Variants in PLXDC1 observed in about 807,000 individuals in gnomAD.
The protein encoded by PLXDC1 is plexin domain-containing protein 1.
In PLXDC1, 39 loss-of-function variants were observed where a neutral mutation model predicts 61.3. That is an observed-to-expected ratio of 0.64 (90% CI 0.49 to 0.83). The LOEUF is 0.83. Ranked by LOEUF, PLXDC1 falls within the 40% of genes least tolerant of loss-of-function variation. The pLI is 0.00. For missense variants in PLXDC1, 596 were observed against 666.5 expected, an observed-to-expected ratio of 0.89 and a Z score of 1.17; for synonymous variants, 212 against 254.5, an observed-to-expected ratio of 0.83 and a Z score of 1.59.
intron 11 of PLXDC1, 46 bp from the exon 12 acceptor site, chr17:39,072,531 C>T (rs1245291125): frequency 1.0e-5 from 12 of 1,186,986 alleles, no homozygotes; most frequent in African/African-American, 3.0e-5. Context: ...GGAATCATTA[C>T]AGCCTTTGTC....
rs1909403309 is a variant in PLXDC1 at position 39,077,912 on chromosome 17, C to T, written c.1186+1G>A. On this transcript the variant is annotated splice_donor_variant, in intron 11 of 13. Coordinates refer to ENST00000315392, the MANE Select transcript of PLXDC1 (RefSeq NM_020405.5). LOFTEE classifies it high-confidence loss of function. ...GCTCCCCTCCTGGGCTCAGAACTTA[C>T]CTTCTGTGGTGAGGCTGTCGATGAA... 1.2e-6 allele frequency: 2 copies of T among 1,614,006 alleles called. No homozygotes were observed. Among genetic ancestry groups the T allele is most frequent in the Admixed American group, 1.7e-5 (1 of 59,996 alleles).
At chr17:39,128,367 G>A (rs1239687932) in intron 2 of PLXDC1, among the ~76,000 whole-genome samples, 1 of 151,162 alleles carries the variant, frequency 6.6e-6, no homozygotes, top group African/African-American at 2.4e-5. Context: ...ACAGGCACAA[G>A]CCACCATGCC....
At chr17:39,120,499 G>A (rs1490631751) in intron 2 of PLXDC1, among the ~76,000 whole-genome samples, 1 of 152,060 alleles carries the variant, frequency 6.6e-6, no homozygotes, top group Non-Finnish European at 1.5e-5. Flanking sequence ...CAGATCATAC[G>A]ATACATGGCA....
At chr17:39,140,507 G>A (rs1201255483) in intron 1 of PLXDC1, among the ~76,000 whole-genome samples, 1 of 152,154 alleles carries the variant, frequency 6.6e-6, no homozygotes, top group African/African-American at 2.4e-5. Context: ...AGGTTTCACC[G>A]TGTTAGCCAG....
intron 7 of PLXDC1, among the ~76,000 whole-genome samples, chr17:39,091,420 C>A (rs1452727335): frequency 6.6e-6 from 1 of 152,182 alleles, no homozygotes; most frequent in Admixed American, 6.5e-5. Context: ...CTCCTTCCTT[C>A]GCCCGACTCC....
At chr17:39,152,664 C>A, upstream of PLXDC1, 1 of 1,235,650 alleles carries the variant, frequency 8.1e-7, no homozygotes, top group Non-Finnish European at 1.0e-6. Context: ...AGGAAGGGTG[C>A]GAACGCTGAG....
intron 7 of PLXDC1, among the ~76,000 whole-genome samples, chr17:39,097,610 C>T (rs1255024946): frequency 2.6e-5 from 4 of 152,006 alleles, no homozygotes; most frequent in African/African-American, 4.8e-5. Flanking sequence ...AGGCCTTACA[C>T]GGTGGCTCAC....
intron 13 of PLXDC1, among the ~76,000 whole-genome samples, chr17:39,069,371 A>G (rs1909022880): frequency 6.6e-6 from 1 of 152,142 alleles, no homozygotes; most frequent in South Asian, 2.1e-4. Context: ...TCAAAGTGCT[A>G]GGATCTTAGG....
At chr17:39,073,645 T>C (rs1909210939) in intron 11 of PLXDC1, among the ~76,000 whole-genome samples, 1 of 152,204 alleles carries the variant, frequency 6.6e-6, no homozygotes, top group South Asian at 2.1e-4. Flanking sequence ...TGGGGCTCCA[T>C]GTAATGCACA....
intron 7 of PLXDC1, among the ~76,000 whole-genome samples, chr17:39,095,088 G>A (rs1414918481): frequency 2.6e-5 from 4 of 152,088 alleles, no homozygotes; most frequent in Non-Finnish European, 5.9e-5. Context: ...CTTCACACCA[G>A]GCTCTAGGGA....
intron 2 of PLXDC1, among the ~76,000 whole-genome samples, chr17:39,128,125 A>ATGTGTATATATATGTATATAGATG (rs1911397210): frequency 2.7e-5 from 1 of 36,738 alleles, no homozygotes; most frequent in Admixed American, 2.2e-4. Flanking sequence ...GTATATATAT[A>ATGTGTATATATATGTATATAGATG]TGTGTATATA....
At chr17:39,128,483 G>C (rs540850133) in intron 2 of PLXDC1, among the ~76,000 whole-genome samples, 1 of 151,480 alleles carries the variant, frequency 6.6e-6, no homozygotes, top group South Asian at 2.1e-4. Flanking sequence ...GCCTCCCAAA[G>C]TGCTGGGATT....
At position 39,151,421 on chromosome 17, in the gene PLXDC1, C is replaced by A; in HGVS notation, c.17G>T (p.Trp6Leu). 7.7e-7 allele frequency: 1 copy of A among 1,292,386 alleles called. No individual in the cohort carries two copies. The highest frequency in any genetic ancestry group is 9.8e-7 in the Non-Finnish European group (1 of 1,018,576). The allele number at this position is 1,292,386 out of a possible 1,614,324, so 80.1% of individuals were successfully genotyped here. Reference sequence around the variant, plus strand: ...CTCCCTGAGCACCAGCACCAGGAGCCAGAGCTCGCCTCGCATGGTGGGTGC... The same window carrying A: ...CTCCCTGAGCACCAGCACCAGGAGCAAGAGCTCGCCTCGCATGGTGGGTGC... MRGEL[W>L]LLVLVLREAA... The change falls in exon 1 of 14, where the codon TGG becomes TTG. Residue 6 changes from tryptophan to leucine, a missense_variant. By Grantham distance (61) the Trp-to-Leu change is moderately conservative. Coordinates refer to ENST00000315392, the MANE Select transcript of PLXDC1 (RefSeq NM_020405.5). This position sits in a 1 kb window ranked among gnomAD's most constrained non-coding sequence, Gnocchi z 5.2.
intron 2 of PLXDC1, chr17:39,112,023 G>A (rs931504028): frequency 6.6e-6 from 1 of 152,022 alleles, no homozygotes; most frequent in Non-Finnish European, 1.5e-5. Flanking sequence ...TTTTTCCTTG[G>A]TGTCTGTCTC....
chr17:39,139,626 T>G, intron 2 of PLXDC1, 28 bp downstream of exon 2: 10 of 1,365,270 alleles, frequency 7.3e-6, no homozygotes, highest in Non-Finnish European at 9.1e-6. Flanking sequence ...CCCACTTCGC[T>G]CCCCCTCCAT....
At chr17:39,084,268 C>G (rs1433970239) in intron 8 of PLXDC1, among the ~76,000 whole-genome samples, 3 of 152,142 alleles carry the variant, frequency 2.0e-5, no homozygotes, top group African/African-American at 7.2e-5. Flanking sequence ...AACATGAGGA[C>G]TGTAGGTAAT....
chr17:39,106,509 G>A (rs369626061), intron 6 of PLXDC1, among the ~76,000 whole-genome samples: 2 of 151,292 alleles, frequency 1.3e-5, no homozygotes, highest in Non-Finnish European at 1.5e-5. Flanking sequence ...TAATAGAGGT[G>A]TGTGTCTCAC....
chr17:39,108,057 T>C, intron 5 of PLXDC1, 66 bp downstream of exon 5: 1 of 1,600,146 alleles, frequency 6.2e-7, no homozygotes, highest in East Asian at 2.2e-5. Context: ...GGCCCTGTGC[T>C]CCTCTAAAGG....
chr17:39,082,124 T>C (rs2143394531), intron 9 of PLXDC1, among the ~76,000 whole-genome samples: 1 of 152,320 alleles, frequency 6.6e-6, no homozygotes, highest in African/African-American at 2.4e-5. Context: ...CCATCCCCTC[T>C]GGGCCCAGAG....
Sources: allele counts gnomAD v4.1 joint callset (sites outside exome capture counted in the v4.1 genomes callset), GRCh38; gene constraint gnomAD v4.1.1; non-coding constraint Gnocchi (gnomAD v3.1); transcripts MANE v1.5; gene names NCBI Gene and HGNC (gene_info 2026-07-23, HGNC 2026-07-21).